Variants in GARS1 observed in about 807,000 individuals in gnomAD.
The protein encoded by GARS1 is glycine--tRNA ligase.
In GARS1, 46 loss-of-function variants were observed where a neutral mutation model predicts 86.4. That is an observed-to-expected ratio of 0.53 (90% confidence interval 0.42 to 0.68). GARS1 has a LOEUF of 0.68. Ranked by LOEUF, GARS1 falls within the 30% of genes least tolerant of loss-of-function variation. The pLI, the probability that GARS1 is intolerant of heterozygous loss-of-function variation, is 0.00. For missense variants in GARS1, 797 were observed against 915.6 expected, an observed-to-expected ratio of 0.87 and a Z score of 1.67; for synonymous variants, 342 against 329.8, an observed-to-expected ratio of 1.04 and a Z score of -0.40.
chr7:30,630,517 C>CTTTTTTTTTTTTTTTTTTTTGTTTTTTTT (rs758530758), intron 14 of GARS1, among the ~76,000 whole-genome samples: 1 of 131,020 alleles, frequency 7.6e-6, no homozygotes, highest in Non-Finnish European at 1.6e-5. Context: ...TTATTTTCGC[C>CTTTTTTTTTTTTTTTTTTTTGTTTTTTTT]TTTTTTTTTT....
rs1317271188 is a variant in GARS1, at chr7:30,594,961, G to A, written c.40G>A (p.Ala14Thr). ...PRPVLLRGAR[A>T]ALLLLLPPRL... is the part of the protein sequence containing the mutation. Reference sequence around the variant, plus strand: ...TCCAGTGCTGCTTAGAGGTGCTCGCGCCGCTCTGCTGCTGCTGCTGCCGCC... The same window carrying A: ...TCCAGTGCTGCTTAGAGGTGCTCGCACCGCTCTGCTGCTGCTGCTGCCGCC... The change falls in exon 1 of 17, where the codon GCC becomes ACC. Residue 14 changes from alanine (A) to threonine (T), a missense_variant. Coordinates refer to ENST00000389266, the MANE Select transcript of GARS1 (RefSeq NM_002047.4). 3 of 1,595,724 alleles carry A rather than the reference G, an allele frequency of 1.9e-6. No homozygotes were observed. Among genetic ancestry groups the A allele is most frequent in the Admixed American group, 1.7e-5 (1 of 59,626 alleles).
intron 14 of GARS1, among the ~76,000 whole-genome samples, chr7:30,629,247 G>T (rs1783190793): frequency 6.6e-6 from 1 of 152,188 alleles, no homozygotes; most frequent in South Asian, 2.1e-4. Flanking sequence ...GATCATAAAT[G>T]GGATAATAGT....
chr7:30,601,818 G>A (rs955899082), intron 4 of GARS1, among the ~76,000 whole-genome samples: 1 of 151,484 alleles, frequency 6.6e-6, no homozygotes, highest in Non-Finnish European at 1.5e-5. Context: ...TTGCTCTGTC[G>A]CCCAAGCTGG....
At chr7:30,600,074 C>G (rs746464802) in intron 3 of GARS1, 25 bp downstream of exon 3, 3 of 1,511,914 alleles carry the variant, frequency 2.0e-6, no homozygotes, top group East Asian at 2.3e-5. Context: ...ACAAAAAGAA[C>G]TATTGTGTTG....
intron 3 of GARS1, among the ~76,000 whole-genome samples, chr7:30,600,567 C>G (rs746373835): frequency 7.2e-4 from 110 of 152,268 alleles, no homozygotes; most frequent in Admixed American, 1.2e-3. Context: ...TCATAGTCAA[C>G]GGATTATTAC....
chr7:30,598,734 C>T lies in GARS1; in HGVS notation c.223-62C>T, dbSNP rs1404396870. The T allele has an allele frequency of 3.6e-6, 5 of 1,393,584 alleles. No homozygotes were observed. In the East Asian group the frequency reaches 9.2e-5, roughly 26 times the overall value. The allele number at this position is 1,393,584 out of a possible 1,614,324, so 86.3% of individuals were successfully genotyped here. On this transcript the variant is annotated intron_variant, in intron 1 of 16. Transcript: ENST00000389266. The stretch of plus-strand genomic sequence containing the variant: ...TTTTTAAAAGGCACGCTTAAAAACA[C>T]ATTCCTAACATTTCTTAACTTCTGA...
intron 11 of GARS1, 69 bp from the exon 12 acceptor site, chr7:30,622,248 T>G: frequency 6.3e-7 from 1 of 1,581,146 alleles, no homozygotes. Context: ...GATGATTGAT[T>G]GTTCTCAGGC....
At chr7:30,622,286 T>G (rs746886986) in intron 11 of GARS1, 31 bp from the exon 12 acceptor site, 1 of 1,613,648 alleles carries the variant, frequency 6.2e-7, no homozygotes, top group Non-Finnish European at 8.5e-7. Flanking sequence ...GAGGCAGTGC[T>G]GTAGTTTTGG....
rs140534639 is a variant in GARS1, at chr7:30,596,784, T to A, written c.222+1641T>A. ...TCAGTTAGTTAATTGTGTGAATTAC[T>A]GAGTCCTATGTCAGCTGAAAAATAA... On this transcript the variant is annotated intron_variant, in intron 1 of 16. Transcript: ENST00000389266. Among the ~76,000 whole-genome samples the A allele has an allele frequency of 2.1e-4, 32 of 152,370 alleles. 1 individual carries two copies. The East Asian group carries it at 5.6e-3, about 27-fold the overall frequency.
At chr7:30,598,193 C>T (rs1254204553) in intron 1 of GARS1, among the ~76,000 whole-genome samples, 3 of 151,880 alleles carry the variant, frequency 2.0e-5, no homozygotes, top group African/African-American at 7.3e-5. Flanking sequence ...TTGCTCTTTC[C>T]TACTTTTTAA....
chr7:30,631,523 C>A lies in GARS1; in HGVS notation c.1885C>A (p.Pro629Thr), dbSNP rs1306671434. ...ACTGAGCCAAAACCAGGAGTTCATGCCATTTGTCAAGGAATTATGTAAGCA... is the reference window on the plus strand; with the variant it reads ...ACTGAGCCAAAACCAGGAGTTCATGACATTTGTCAAGGAATTATGTAAGCA... ...LPLSQNQEFM[P>T]FVKELSEALT... The change falls in exon 15 of 17, where the codon CCA (proline) becomes ACA (threonine). Residue 629 changes from proline (P) to threonine (T), a missense_variant. This residue lies in a region of GARS1 where 598 missense variants were observed against 738.7 expected (regional missense o/e 0.81). Coordinates refer to ENST00000389266, the MANE Select transcript of GARS1 (RefSeq NM_002047.4). The A allele has an allele frequency of 6.2e-7, 1 of 1,612,334 alleles. No individual in the cohort carries two copies.
At chr7:30,621,669 C>T (rs1382306236) in intron 11 of GARS1, 169 bp downstream of exon 11, 4 of 668,282 alleles carry the variant, frequency 6.0e-6, no homozygotes, top group Non-Finnish European at 1.1e-5. Context: ...CTTTCCTATT[C>T]TCTGTACTTG....
intron 6 of GARS1, among the ~76,000 whole-genome samples, chr7:30,606,178 T>C (rs921204562): frequency 2.6e-5 from 4 of 152,212 alleles, no homozygotes; most frequent in African/African-American, 7.2e-5. Flanking sequence ...AGTGGTGTTA[T>C]GGACTTCTGT....
intron 4 of GARS1, among the ~76,000 whole-genome samples, chr7:30,601,475 A>G (rs897211893): frequency 1.3e-5 from 2 of 152,188 alleles, no homozygotes; most frequent in African/African-American, 2.4e-5. Context: ...ATTGATGAAC[A>G]TATACTCATA....
intron 3 of GARS1, among the ~76,000 whole-genome samples, chr7:30,600,731 T>C (rs1791356104): frequency 6.6e-6 from 1 of 152,228 alleles, no homozygotes; most frequent in Admixed American, 6.5e-5. Context: ...ATCATTGTTA[T>C]CAGATGTGGT....
At position 30,617,239 on chromosome 7, in the gene GARS1, T is replaced by C; in HGVS notation, c.1320T>C (p.Tyr440=). ...ACATGGAGAATGAGATGGCCCATTATGCCTGTGACTGTTGGGATGCAGAAT... is the reference window on the plus strand; with the variant it reads ...ACATGGAGAATGAGATGGCCCATTACGCCTGTGACTGTTGGGATGCAGAAT... ...RQHMENEMAH[Y]ACDCWDAESK... is the part of the protein sequence containing the mutation. The change falls in exon 10 of 17, where the codon TAT becomes TAC. Residue 440 remains tyrosine, a synonymous_variant. Transcript: ENST00000389266. The C allele has an allele frequency of 6.2e-7, 1 of 1,613,998 alleles. No individual in the cohort carries two copies. The highest frequency in any genetic ancestry group is 1.1e-5 in the South Asian group (1 of 91,076).
intron 8 of GARS1, among the ~76,000 whole-genome samples, chr7:30,612,718 A>C (rs1262465729): frequency 6.6e-6 from 1 of 152,078 alleles, no homozygotes; most frequent in Non-Finnish European, 1.5e-5. Context: ...AGTTCTGGAA[A>C]CAACCTCCGT....
In GARS1 at chr7:30,628,543, T is replaced by TTC. The variant is rs1562782716; in HGVS notation, c.1700-15_1700-14dup. 6.5e-7 allele frequency: 1 copy of TTC among 1,541,116 alleles called. No individual in the cohort carries two copies. The highest frequency in any genetic ancestry group is 1.7e-5 in the Admixed American group (1 of 59,858). On this transcript the variant is annotated splice_polypyrimidine_tract_variant and intron_variant, in intron 13 of 16. Transcript: ENST00000389266. ...GGTATTTGAGAGAATGTTATTGAATTTCTATCTCTTTTTCAGTGGAAGAAG... is the reference window on the plus strand; with the variant it reads ...GGTATTTGAGAGAATGTTATTGAATTTCTCTATCTCTTTTTCAGTGGAAGAAG...
chr7:30,618,299 C>G (rs1562778621), intron 10 of GARS1, among the ~76,000 whole-genome samples: 1 of 152,052 alleles, frequency 6.6e-6, no homozygotes, highest in Non-Finnish European at 1.5e-5. Context: ...TGTCACATAA[C>G]TTTGTTGTTT....
Sources: allele counts gnomAD v4.1 joint callset (sites outside exome capture counted in the v4.1 genomes callset), GRCh38; gene constraint gnomAD v4.1.1; regional missense constraint gnomAD v4.1.1; transcripts MANE v1.5; gene names NCBI Gene and HGNC (gene_info 2026-07-23, HGNC 2026-07-21).